SIGLEC1: variants seen among roughly 807,000 people sequenced by gnomAD.
SIGLEC1 encodes the protein sialoadhesin.
In SIGLEC1, 132 loss-of-function variants were observed where a neutral mutation model predicts 148.0. The ratio of observed to expected loss-of-function variants is 0.89; its 90% confidence interval spans 0.77 to 1.03. SIGLEC1 has a LOEUF of 1.03. SIGLEC1 is among the 50% of genes least tolerant of loss of function. The pLI is 0.00. For synonymous variants in SIGLEC1, 945 were observed against 969.0 expected, an observed-to-expected ratio of 0.98 and a Z score of 0.46; for missense variants, 2,253 against 2,271.4, an observed-to-expected ratio of 0.99 and a Z score of 0.16.
rs768423095 is a variant in SIGLEC1, at chr20:3,689,609, TAGCAGGCCCCCAGGCCCAAC to T, written c.4968_4987del (p.Leu1657HisfsTer9). The T allele has an allele frequency of 3.2e-6, 5 of 1,577,858 alleles. No individual in the cohort carries two copies. The highest frequency in any genetic ancestry group is 3.4e-6 in the Non-Finnish European group (4 of 1,161,814). ...CCAGCTCCAGACCCACCTCCAGGTG[TAGCAGGCCCCCAGGCCCAAC>T]AGCAGGAGCAGGAGGCCCACCAGCA... is the stretch of plus-strand genomic sequence containing the variant. On this transcript the variant is annotated frameshift_variant, in exon 20 of 22. Coordinates refer to ENST00000344754, the MANE Select transcript of SIGLEC1 (RefSeq NM_023068.4). LOFTEE classifies it high-confidence loss of function.
chr20:3,693,295 C>T (rs1311707310), intron 14 of SIGLEC1, 152 bp downstream of exon 14: 7 of 1,153,068 alleles, frequency 6.1e-6, no homozygotes, highest in South Asian at 4.8e-5. Flanking sequence ...CTCACCCCAG[C>T]GCCCCCTACT....
At chr20:3,700,179 G>A (rs9789819) in intron 7 of SIGLEC1, among the ~76,000 whole-genome samples, 21,399 of 131,954 alleles carry the variant, frequency 0.16, 1,837 homozygotes, top group East Asian at 0.36. Flanking sequence ...GTGCAGTGGC[G>A]CAATCTCAGC....
chr20:3,697,778 C>T lies in SIGLEC1; in HGVS notation c.2122+20G>A, dbSNP rs1568843060. 1 of 1,608,932 alleles carries T rather than the reference C, an allele frequency of 6.2e-7. No individual in the cohort carries two copies. The highest frequency in any genetic ancestry group is 1.7e-5 in the Admixed American group (1 of 59,684). On this transcript the variant is annotated intron_variant, in intron 9 of 21. Transcript: ENST00000344754. Reference sequence around the variant, plus strand: ...GCTCCAGCCCCTGCCCCCAGGCCACCCATTCCCTGCCTGACTCACCCTGGC... The same window carrying T: ...GCTCCAGCCCCTGCCCCCAGGCCACTCATTCCCTGCCTGACTCACCCTGGC...
At position 3,688,494 on chromosome 20, in the gene SIGLEC1, T is replaced by C. The variant is rs763405031; in HGVS notation, c.*66A>G. On this transcript the variant is annotated 3_prime_UTR_variant, in exon 22 of 22. Coordinates refer to ENST00000344754, the MANE Select transcript of SIGLEC1 (RefSeq NM_023068.4). ...AGGACTCAACACTGCCTCATTCACA[T>C]TCATAGGCTGGAGTCATCACAGATT... 40 of 1,333,530 alleles carry C rather than the reference T, an allele frequency of 3.0e-5. No homozygotes were observed. In the Middle Eastern group the frequency reaches 5.4e-4, roughly 18 times the overall value. The allele number at this position is 1,333,530 out of a possible 1,614,324, so 82.6% of individuals were successfully genotyped here. A position where few individuals can be genotyped will look rare whatever the true frequency, so the allele number is the denominator to read the frequency against.
rs761343460 is a variant in SIGLEC1 at position 3,692,659 on chromosome 20, C to T, written c.3892G>A (p.Gly1298Ser). 5 of 1,613,030 alleles carry T rather than the reference C, an allele frequency of 3.1e-6. No individual in the cohort carries two copies. Among genetic ancestry groups the T allele is most frequent in the Admixed American group, 1.7e-5 (1 of 60,008 alleles). Residue 1298 changes from glycine (G) to serine (S), a missense_variant, in exon 16 of 22, where the codon GGT (glycine) becomes AGT (serine). Gly to Ser is a moderately conservative substitution (Grantham distance 56). Transcript: ENST00000344754. The stretch of plus-strand genomic sequence containing the variant: ...GCTGGACCCTCCTGCAGCCAACGAC[C>T]GTTGTGGTACCAAGTATAGAGTGTG... ...APTLYTWYHN[G>S]RWLQEGPAAS...
At position 3,691,431 on chromosome 20, in the gene SIGLEC1, G is replaced by A. The variant is rs201040476; in HGVS notation, c.4500C>T (p.His1500=). ...AEPVPTLAFT[H]VARAQAGMYH... ...ACATCCCAGCTTGAGCACGAGCCACGTGGGTGAAGGCGAGAGTGGGCACAG... is the reference window on the plus strand; with the variant it reads ...ACATCCCAGCTTGAGCACGAGCCACATGGGTGAAGGCGAGAGTGGGCACAG... Residue 1500 remains histidine (H), a synonymous_variant, in exon 18 of 22, where the codon CAC becomes CAT. Coordinates refer to ENST00000344754, the MANE Select transcript of SIGLEC1 (RefSeq NM_023068.4). The A allele has an allele frequency of 7.8e-5, 126 of 1,613,302 alleles. 2 individuals are homozygous for A. The highest frequency in any genetic ancestry group is 7.6e-4 in the South Asian group (69 of 91,090).
chr20:3,697,802 G>T lies in SIGLEC1; in HGVS notation c.2118C>A (p.Gly706=), dbSNP rs779570106. The part of the protein sequence containing the change: ...GNASTSATFN[G]QATVLAIAPS... Reference sequence around the variant, plus strand: ...CCCATTCCCTGCCTGACTCACCCTGGCCATTGAAGGTGGCTGAGGTGGAGG... The same window carrying T: ...CCCATTCCCTGCCTGACTCACCCTGTCCATTGAAGGTGGCTGAGGTGGAGG... The change falls in exon 9 of 22, where the codon GGC becomes GGA. Residue 706 remains glycine, a synonymous_variant. Coordinates refer to ENST00000344754, the MANE Select transcript of SIGLEC1 (RefSeq NM_023068.4). 6.2e-7 allele frequency: 1 copy of T among 1,612,480 alleles called. No individual in the cohort carries two copies. Among genetic ancestry groups the T allele is most frequent in the Non-Finnish European group, 8.5e-7 (1 of 1,179,794 alleles).
intron 9 of SIGLEC1, among the ~76,000 whole-genome samples, 166 bp downstream of exon 9, chr20:3,697,632 G>A (rs549765271): frequency 4.7e-4 from 71 of 152,274 alleles, no homozygotes; most frequent in Non-Finnish European, 8.2e-4. Context: ...GGCCTGAACA[G>A]AGATCATGGG....
In SIGLEC1 at chr20:3,703,336, G is replaced by A. The variant is rs1244843994; in HGVS notation, c.1089C>T (p.Asn363=). The stretch of plus-strand genomic sequence containing the variant: ...AGTGGGCATCCTCCAGCAGGACATG[G>A]TTCTTGTACCAGCTGTAGCGGAGAT... ...PSDLRYSWYK[N]HVLLEDAHSH... The change falls in exon 6 of 22, where the codon AAC becomes AAT. Residue 363 remains asparagine, a synonymous_variant. Coordinates refer to ENST00000344754, the MANE Select transcript of SIGLEC1 (RefSeq NM_023068.4). 1.2e-6 allele frequency: 2 copies of A among 1,614,026 alleles called. No homozygotes were observed. Among genetic ancestry groups the A allele is most frequent in the Non-Finnish European group, 1.7e-6 (2 of 1,180,008 alleles).
Position 3,692,087 on chromosome 20 carries a change from A to G in SIGLEC1, c.4146T>C (p.Asp1382=). 2.5e-6 allele frequency: 4 copies of G among 1,610,150 alleles called. No homozygotes were observed. Among genetic ancestry groups the G allele is most frequent in the East Asian group, 2.2e-5 (1 of 44,834 alleles). Reference sequence around the variant, plus strand: ...CGCTGCTCGTGGCCAGCACCTTGCCATCATGAGATAGGGCCAGCTCAGCAG... The same window carrying G: ...CGCTGCTCGTGGCCAGCACCTTGCCGTCATGAGATAGGGCCAGCTCAGCAG... ...EPPAELALSH[D]GKVLATSSGV... Residue 1382 remains aspartate, a synonymous_variant, in exon 17 of 22, where the codon GAT becomes GAC. Coordinates refer to ENST00000344754, the MANE Select transcript of SIGLEC1 (RefSeq NM_023068.4).
rs2087894992 is a variant in SIGLEC1, at chr20:3,706,438, CT to C, written c.317del (p.Gln106ArgfsTer23). 6.2e-7 allele frequency: 1 copy of C among 1,614,054 alleles called. No individual in the cohort carries two copies. The highest frequency in any genetic ancestry group is 1.3e-5 in the African/African-American group (1 of 74,954). ...AGTTGTAGGAACCAGAGTCCTCGGG[CT>C]GCAGGTCCTTCAGCAGCAGGTTGCA... ...RVCNLLLKDLQPEDSGSYNFR... is the reference protein window; with the variant it reads ...RVCNLLLKDLXPEDSGSYNFR... On this transcript the variant is annotated frameshift_variant, in exon 3 of 22. Transcript: ENST00000344754. LOFTEE classifies it high-confidence loss of function.
chr20:3,706,151 G>A (rs1053304909), intron 3 of SIGLEC1, 111 bp from the exon 4 acceptor site: 14 of 1,327,732 alleles, frequency 1.1e-5, no homozygotes, highest in Non-Finnish European at 1.1e-5. Flanking sequence ...TTTAGGGGAA[G>A]GAAAGACGCT....
chr20:3,693,781 A>G (rs1333591223), intron 13 of SIGLEC1, 83 bp from the exon 14 acceptor site: 17 of 1,414,900 alleles, frequency 1.2e-5, no homozygotes, highest in Non-Finnish European at 1.5e-5. Context: ...TGGGTGAGCT[A>G]CTCCTACTGC....
At chr20:3,696,973 C>T in intron 10 of SIGLEC1, 85 bp from the exon 11 acceptor site, 4 of 1,534,404 alleles carry the variant, frequency 2.6e-6, no homozygotes, top group Non-Finnish European at 3.5e-6. Flanking sequence ...TCCTGCCACA[C>T]ACACAGCCTA....
At chr20:3,700,186 C>G (rs864981) in intron 7 of SIGLEC1, among the ~76,000 whole-genome samples, 8,721 of 126,190 alleles carry the variant, frequency 0.069, 339 homozygotes, top group East Asian at 0.14. Flanking sequence ...GGCGCAATCT[C>G]AGCTCGCTAC....
chr20:3,699,583 G>T, intron 7 of SIGLEC1, 124 bp from the exon 8 acceptor site: 2 of 1,255,906 alleles, frequency 1.6e-6, no homozygotes, highest in Non-Finnish European at 2.2e-6. Flanking sequence ...GCTTTGTGGT[G>T]CATCAGGAGG....
intron 1 of SIGLEC1, among the ~76,000 whole-genome samples, chr20:3,711,845 C>T (rs1484337635): frequency 2.0e-5 from 3 of 152,014 alleles, no homozygotes; most frequent in Non-Finnish European, 4.4e-5. Context: ...TGTGGACGGA[C>T]GAAGTGGTGA....
rs866790025 is a variant in SIGLEC1 at position 3,691,227 on chromosome 20, C to T, written c.4591+113G>A. 69 of 1,371,638 alleles carry T rather than the reference C, an allele frequency of 5.0e-5. No homozygotes were observed. In the Middle Eastern group the frequency reaches 3.1e-3, roughly 62 times the overall value. The allele number at this position is 1,371,638 out of a possible 1,614,324, so 85.0% of individuals were successfully genotyped here. On this transcript the variant is annotated intron_variant, in intron 18 of 21. Transcript: ENST00000344754. ...CAGCGGGAGAGCCAGGATTCCAACC[C>T]AGGACTCAATATCCGTGAAGCCTTC...
intron 18 of SIGLEC1, among the ~76,000 whole-genome samples, chr20:3,690,990 CG>C (rs1163246182): frequency 6.6e-6 from 1 of 151,952 alleles, no homozygotes; most frequent in Admixed American, 6.6e-5. Flanking sequence ...GCCTTCATGC[CG>C]TGCTAATTCT....
Sources: gnomAD v4.1 joint callset for allele counts (sites outside exome capture counted in the v4.1 genomes callset) on GRCh38, gnomAD v4.1.1 for gene constraint, MANE v1.5 for transcripts, NCBI Gene and HGNC (gene_info 2026-07-23, HGNC 2026-07-21) for gene names.